The following LGALS9B variants were observed in gnomAD, a reference collection of about 807,000 sequenced individuals.
LGALS9B encodes the protein galectin 9B.
Under a neutral mutation model 35.9 loss-of-function variants are expected in LGALS9B, and 8 were observed. That is an observed-to-expected ratio of 0.22 (90% CI 0.13 to 0.40). LGALS9B has a LOEUF of 0.40. Ranked by LOEUF, LGALS9B falls within the 10% of genes least tolerant of loss-of-function variation. LGALS9B has a pLI of 1.00. For synonymous variants in LGALS9B, 42 were observed against 148.6 expected, an observed-to-expected ratio of 0.28 and a Z score of 5.22; for missense variants, 101 against 397.9, an observed-to-expected ratio of 0.25 and a Z score of 6.35.
rs988325983 is a variant in LGALS9B, at chr17:20,460,349, C to T, written c.131+3G>A. On this transcript the variant is annotated splice_donor_region_variant and intron_variant, in intron 2 of 10. Transcript: ENST00000423676. ...TGAAACGTTTCCATCCATATACACA[C>T]ACCTGGTTCCACTGGAGCTGAGAAC... 6.2e-6 allele frequency: 10 copies of T among 1,602,922 alleles called. 1 individual carries two copies. The highest frequency in any genetic ancestry group is 8.5e-6 in the Non-Finnish European group (10 of 1,171,648).
chr17:20,460,289 A>G (rs1597496966), intron 2 of LGALS9B, 63 bp downstream of exon 2: 13 of 1,610,276 alleles, frequency 8.1e-6, no homozygotes, highest in Non-Finnish European at 8.5e-7. Flanking sequence ...CGAGGCTCAC[A>G]GGCACAGTGG....
intron 5 of LGALS9B, among the ~76,000 whole-genome samples, chr17:20,454,829 T>G (rs1447520340): frequency 1.4e-5 from 2 of 146,126 alleles, no homozygotes; most frequent in Non-Finnish European, 3.1e-5. Context: ...GCTTCGTGGG[T>G]TGGGGGTGAG....
At chr17:20,466,116 C>T (rs71247641) in intron 1 of LGALS9B, among the ~76,000 whole-genome samples, 91 of 152,028 alleles carry the variant, frequency 6.0e-4, no homozygotes, top group African/African-American at 1.9e-3. Context: ...AAACCAGAAA[C>T]GGGGTGACAT....
Position 20,460,314 on chromosome 17 carries a change from G to A in LGALS9B, c.131+38C>T, listed in dbSNP as rs374585834. ...AGGCACAGTGGCTTTACTAAGGGAC[G>A]AGGCTGGAGTGAAACGTTTCCATCC... On this transcript the variant is annotated intron_variant, in intron 2 of 10. Transcript: ENST00000423676. 259 of 1,608,976 alleles carry A rather than the reference G, an allele frequency of 1.6e-4. 2 individuals are homozygous for A. The highest frequency in any genetic ancestry group is 9.6e-4 in the African/African-American group (71 of 73,768).
At chr17:20,459,015 G>A (rs1442873321) in intron 2 of LGALS9B, among the ~76,000 whole-genome samples, 6 of 152,040 alleles carry the variant, frequency 3.9e-5, no homozygotes, top group African/African-American at 9.7e-5. Context: ...TGCTCTGGGG[G>A]ATGAGATGGG....
chr17:20,460,330 G>A (rs777908631), intron 2 of LGALS9B, 22 bp downstream of exon 2: 11 of 1,608,696 alleles, frequency 6.8e-6, no homozygotes, highest in East Asian at 4.5e-5. Context: ...GGAGTGAAAC[G>A]TTTCCATCCA....
At chr17:20,450,920 C>T (rs2142407634) in intron 10 of LGALS9B, among the ~76,000 whole-genome samples, 1 of 152,366 alleles carries the variant, frequency 6.6e-6, no homozygotes, top group South Asian at 2.1e-4. Context: ...GGAGAGGCCA[C>T]ACCCGCACCT....
chr17:20,450,561 AC>A, intron 10 of LGALS9B, among the ~76,000 whole-genome samples: 1 of 104,418 alleles, frequency 9.6e-6, no homozygotes, highest in South Asian at 2.5e-4. Context: ...TGCTACAGAT[AC>A]TGCCTCATTC....
At chr17:20,463,770 T>TG (rs1247159609) in intron 1 of LGALS9B, among the ~76,000 whole-genome samples, 1 of 94,360 alleles carries the variant, frequency 1.1e-5, no homozygotes. Flanking sequence ...GGGAAGGCTA[T>TG]GGACTTGCAT....
In LGALS9B at chr17:20,451,616, G is replaced by A. The variant is rs1271643284; in HGVS notation, c.789C>T (p.Ser263=). ...GGGGGTTCATGTGGAAGGCGATGTG[G>A]CTCCCAGAGCACAGGTTGATGTGGA... The part of the protein sequence containing the change: ...QRFHINLCSG[S]HIAFHMNPRF... Residue 263 remains serine, a synonymous_variant, in exon 10 of 11, where the codon AGC becomes AGT. Transcript: ENST00000423676. 1 of 1,599,524 alleles carries A rather than the reference G, an allele frequency of 6.3e-7. No individual in the cohort carries two copies. Among genetic ancestry groups the A allele is most frequent in the Non-Finnish European group, 8.5e-7 (1 of 1,173,340 alleles).
chr17:20,461,094 A>C, intron 1 of LGALS9B, among the ~76,000 whole-genome samples: 2 of 127,108 alleles, frequency 1.6e-5, no homozygotes, highest in Non-Finnish European at 1.7e-5. Flanking sequence ...TAGTTTCCCC[A>C]CCCATCCCAG....
chr17:20,467,194 C>T (rs550038860), intron 1 of LGALS9B, among the ~76,000 whole-genome samples: 1 of 144,644 alleles, frequency 6.9e-6, no homozygotes, highest in South Asian at 2.3e-4. Flanking sequence ...CAGGACACGA[C>T]AGCTCAGCCA....
At chr17:20,460,998 A>C in intron 1 of LGALS9B, among the ~76,000 whole-genome samples, 1 of 58,296 alleles carries the variant, frequency 1.7e-5, no homozygotes. Flanking sequence ...ACCACCATAT[A>C]ACAATGGCCA....
At position 20,454,360 on chromosome 17, in the gene LGALS9B, G is replaced by A. The variant is rs570962348; in HGVS notation, c.541-753C>T. 7.1e-3 allele frequency among the ~76,000 whole-genome samples: 1,033 copies of A among 144,874 alleles called. 25 individuals carry two copies. Among genetic ancestry groups the A allele is most frequent in the East Asian group, 0.055 (267 of 4,814 alleles). On this transcript the variant is annotated intron_variant, in intron 5 of 10. Coordinates refer to ENST00000423676, the MANE Select transcript of LGALS9B (RefSeq NM_001367292.2). ...AGGAAGGGCTGCCCACCTCCTTGTC[G>A]TGGATCCTGCCCCACCCAGTAGACT...
intron 10 of LGALS9B, among the ~76,000 whole-genome samples, chr17:20,451,140 C>T (rs1470514207): frequency 6.6e-6 from 1 of 151,310 alleles, no homozygotes; most frequent in East Asian, 1.9e-4. Flanking sequence ...GCTTCCTGCA[C>T]AAAGCGGGCG....
At chr17:20,466,213 C>A (rs1177888969) in intron 1 of LGALS9B, among the ~76,000 whole-genome samples, 1 of 151,378 alleles carries the variant, frequency 6.6e-6, no homozygotes, top group African/African-American at 2.4e-5. Flanking sequence ...GCAGGTTCTA[C>A]CTTGGGGGCT....
chr17:20,465,998 A>G (rs1423182100), intron 1 of LGALS9B, among the ~76,000 whole-genome samples: 3 of 149,872 alleles, frequency 2.0e-5, no homozygotes, highest in Admixed American at 1.3e-4. Context: ...TCTGATGTGC[A>G]TAGGAGGATT....
At position 20,460,348 on chromosome 17, in the gene LGALS9B, A is replaced by G. The variant is rs746315586; in HGVS notation, c.131+4T>C. On this transcript the variant is annotated splice_donor_region_variant and intron_variant, in intron 2 of 10. Coordinates refer to ENST00000423676, the MANE Select transcript of LGALS9B (RefSeq NM_001367292.2). ...GTGAAACGTTTCCATCCATATACAC[A>G]CACCTGGTTCCACTGGAGCTGAGAA... 102 of 1,602,970 alleles carry G rather than the reference A, an allele frequency of 6.4e-5. 3 individuals carry two copies. Among genetic ancestry groups the G allele is most frequent in the Non-Finnish European group, 7.9e-5 (92 of 1,171,710 alleles).
At chr17:20,464,865 T>G (rs1414236027) in intron 1 of LGALS9B, among the ~76,000 whole-genome samples, 2 of 152,172 alleles carry the variant, frequency 1.3e-5, no homozygotes, top group Non-Finnish European at 2.9e-5. Context: ...CAATGCTGTG[T>G]GCTGAGTCCC....
Sources: allele counts gnomAD v4.1 joint callset (sites outside exome capture counted in the v4.1 genomes callset), GRCh38; gene constraint gnomAD v4.1.1; transcripts MANE v1.5; gene names NCBI Gene and HGNC (gene_info 2026-07-23, HGNC 2026-07-21).